The following TEX14 variants were observed in gnomAD, a reference collection of about 807,000 sequenced individuals.
TEX14 encodes the protein inactive serine/threonine-protein kinase TEX14.
TEX14 carries 168 observed loss-of-function variants against 178.6 expected under a neutral mutation model. The observed-to-expected ratio is 0.94, with a 90% CI of 0.83 to 1.07. The LOEUF (loss-of-function observed/expected upper bound fraction) is 1.07. TEX14 is among the 50% of genes least tolerant of loss of function. TEX14 has a pLI of 0.00. For missense variants in TEX14, 1,730 were observed against 1,753.6 expected, an observed-to-expected ratio of 0.99 and a Z score of 0.24; for synonymous variants, 626 against 634.1, an observed-to-expected ratio of 0.99 and a Z score of 0.19.
chr17:58,613,587 G>A (rs778427816), intron 8 of TEX14, 43 bp from the exon 9 acceptor site: 4 of 1,569,920 alleles, frequency 2.5e-6, no homozygotes, highest in Admixed American at 1.8e-5. Flanking sequence ...GTGAGAGGAG[G>A]ATATGATGAA....
chr17:58,688,187 A>G (rs2143610337), intron 1 of TEX14, among the ~76,000 whole-genome samples: 1 of 152,082 alleles, frequency 6.6e-6, no homozygotes, highest in Non-Finnish European at 1.5e-5. Context: ...GTGTCATAAT[A>G]TCGGCTCACT....
chr17:58,600,573 A>AG (rs988195221), intron 13 of TEX14, among the ~76,000 whole-genome samples: 1 of 151,786 alleles, frequency 6.6e-6, no homozygotes, highest in Non-Finnish European at 1.5e-5. Flanking sequence ...AAAAAAAAAA[A>AG]AGTAGCCTAG....
At chr17:58,560,330 A>G (rs552932121) in intron 29 of TEX14, among the ~76,000 whole-genome samples, 42 of 152,252 alleles carry the variant, frequency 2.8e-4, no homozygotes, top group Non-Finnish European at 5.0e-4. Flanking sequence ...CCCTCTTAAT[A>G]TTTTCCCACT....
At chr17:58,576,589 A>T (rs987009058) in intron 21 of TEX14, among the ~76,000 whole-genome samples, 4 of 152,228 alleles carry the variant, frequency 2.6e-5, no homozygotes, top group Non-Finnish European at 5.9e-5. Flanking sequence ...TATCACAACC[A>T]GGATATTGAC....
rs372570018 is a variant in TEX14 at position 58,611,239 on chromosome 17, C to A, written c.1106G>T (p.Arg369Leu). ...RYLHFQGFIHRSLSSYAVHII... is the reference protein window; with the variant it reads ...RYLHFQGFIHLSLSSYAVHII... The stretch of plus-strand genomic sequence containing the variant: ...ATGGACAGCATAGGAGCTGAGGGAG[C>A]GGTGGATAAACCCCTGGAAATGCAG... The change falls in exon 10 of 32, where the codon CGC becomes CTC. Residue 369 changes from arginine (R) to leucine (L), a missense_variant. Physicochemically the swap from Arg to Leu is moderately radical, Grantham distance 102. Around this residue, in one of 2 missense-constraint regions of TEX14, gnomAD observed 789 missense variants for 681.2 expected, o/e 1.16. Coordinates refer to ENST00000349033, the MANE Select transcript of TEX14 (RefSeq NM_031272.5). 6.2e-7 allele frequency: 1 copy of A among 1,613,476 alleles called. No individual in the cohort carries two copies. Among genetic ancestry groups the A allele is most frequent in the African/African-American group, 1.3e-5 (1 of 74,946 alleles).
In TEX14 at chr17:58,570,420, G is replaced by A; in HGVS notation, c.3782C>T (p.Pro1261Leu). 1 of 1,521,614 alleles carries A rather than the reference G, an allele frequency of 6.6e-7. No individual in the cohort carries two copies. Among genetic ancestry groups the A allele is most frequent in the Non-Finnish European group, 8.7e-7 (1 of 1,147,420 alleles). 94.3% of individuals were successfully genotyped at this position (1,521,614 alleles called of 1,614,324 possible). ...GCTCCTTCTCTGGGTGGCATGGGGT[G>A]GTGATGAGTCACATGCCTTAACAAG... ...PSLVKACDSS[P>L]PHATQRRSLP... is the part of the protein sequence containing the mutation. Residue 1261 changes from proline to leucine, a missense_variant, in exon 25 of 32, where the codon CCA (proline) becomes CTA (leucine). By Grantham distance (98) the Pro-to-Leu change is moderately conservative. This residue lies in a region of TEX14 where 941 missense variants were observed against 1,072.4 expected (regional missense o/e 0.88). Transcript: ENST00000349033.
At chr17:58,586,162 A>C in intron 17 of TEX14, 80 bp from the exon 18 acceptor site, 1 of 1,409,948 alleles carries the variant, frequency 7.1e-7, no homozygotes, top group Non-Finnish European at 9.6e-7. Flanking sequence ...GAAATACATA[A>C]TACTATTATA....
chr17:58,580,351 G>A (rs111475198), intron 19 of TEX14, among the ~76,000 whole-genome samples: 2,767 of 152,036 alleles, frequency 0.018, 77 homozygotes, highest in African/African-American at 0.063. Context: ...TCATTCTGTC[G>A]CCCAGGCTGG....
intron 28 of TEX14, chr17:58,564,361 T>A (rs1185291879): frequency 1.3e-5 from 2 of 152,298 alleles, no homozygotes; most frequent in Non-Finnish European, 2.9e-5. Context: ...TGACACGTGC[T>A]ACAACACAGA....
At chr17:58,581,226 G>A (rs984045823) in intron 19 of TEX14, among the ~76,000 whole-genome samples, 55 of 151,622 alleles carry the variant, frequency 3.6e-4, no homozygotes, top group African/African-American at 9.7e-4. Flanking sequence ...CAGGAGAATC[G>A]CTTGAACCCG....
In TEX14 at chr17:58,584,492, T is replaced by C. The variant is rs374316697; in HGVS notation, c.3171+8A>G. 6.2e-7 allele frequency: 1 copy of C among 1,605,344 alleles called. No individual in the cohort carries two copies. The highest frequency in any genetic ancestry group is 8.5e-7 in the Non-Finnish European group (1 of 1,171,968). ...GTTCAACTTGGCTTTCCAGGCAGTATTACTTACACTGTAAGATTTCTCTAC... is the reference window on the plus strand; with the variant it reads ...GTTCAACTTGGCTTTCCAGGCAGTACTACTTACACTGTAAGATTTCTCTAC... On this transcript the variant is annotated splice_region_variant and intron_variant, in intron 19 of 31. Coordinates refer to ENST00000349033, the MANE Select transcript of TEX14 (RefSeq NM_031272.5).
Position 58,584,530 on chromosome 17 carries a change from G to A in TEX14, c.3141C>T (p.Asp1047=), listed in dbSNP as rs752222078. The A allele has an allele frequency of 3.7e-6, 6 of 1,614,094 alleles. No homozygotes were observed. Among genetic ancestry groups the A allele is most frequent in the Non-Finnish European group, 5.1e-6 (6 of 1,179,988 alleles). The part of the protein sequence containing the change: ...EHSEAFQASS[D]TLVAVEKSYS... ...AAGATTTCTCTACAGCCACCAATGT[G>A]TCAGAACTTGCTTGGAAGGCTTCAC... Residue 1047 remains aspartate (D), a synonymous_variant, in exon 19 of 32, where the codon GAC becomes GAT. Transcript: ENST00000349033.
intron 11 of TEX14, among the ~76,000 whole-genome samples, chr17:58,603,756 A>G (rs1370056501): frequency 1.3e-5 from 2 of 151,226 alleles, no homozygotes; most frequent in Non-Finnish European, 2.9e-5. Flanking sequence ...TGGGAGGCTG[A>G]GGCAGGAGAA....
chr17:58,631,392 G>A (rs2046284102), intron 2 of TEX14, among the ~76,000 whole-genome samples: 1 of 152,090 alleles, frequency 6.6e-6, no homozygotes, highest in Non-Finnish European at 1.5e-5. Flanking sequence ...GGCAGAGGCT[G>A]CAATGAGCCG....
intron 10 of TEX14, among the ~76,000 whole-genome samples, chr17:58,606,081 T>G (rs1598380187): frequency 6.6e-6 from 1 of 152,202 alleles, no homozygotes; most frequent in African/African-American, 2.4e-5. Flanking sequence ...CCTGCCCTTT[T>G]GGGAATGTGT....
intron 1 of TEX14, among the ~76,000 whole-genome samples, chr17:58,691,148 G>A (rs948747380): frequency 1.3e-5 from 2 of 152,006 alleles, no homozygotes; most frequent in Admixed American, 6.6e-5. Flanking sequence ...GAGCCACTGC[G>A]CCCGGCCAGC....
chr17:58,637,300 C>T, intron 2 of TEX14, among the ~76,000 whole-genome samples: 1 of 152,194 alleles, frequency 6.6e-6, no homozygotes, highest in East Asian at 1.9e-4. Flanking sequence ...CGTAGAGCTT[C>T]TAAAACTCTT....
At position 58,658,701 on chromosome 17, in the gene TEX14, G is replaced by T. The variant is rs538697142; in HGVS notation, c.-1-6699C>A. On this transcript the variant is annotated intron_variant, in intron 1 of 31. Coordinates refer to ENST00000349033, the MANE Select transcript of TEX14 (RefSeq NM_031272.5). ...CCACCCTCAGCAATTCATCCCACCA[G>T]AACAAAAGGCTAACATAGCAAACTG... is the stretch of plus-strand genomic sequence containing the variant. Among the ~76,000 whole-genome samples, 3 of 152,012 alleles carry T rather than the reference G, an allele frequency of 2.0e-5. No homozygotes were observed. In the South Asian group the frequency reaches 6.2e-4, roughly 32 times the overall value.
rs1555577606 is a variant in TEX14, at chr17:58,640,644, T to TGTGTGTGTGTGA, written c.137-10091_137-10090insTCACACACACAC. ...GTGTGTGTGTGTGTGTGTGTGTGTG[T>TGTGTGTGTGTGA]GAGAGAGAGAGAGAGAATGATAAAT... On this transcript the variant is annotated intron_variant, in intron 2 of 31. Coordinates refer to ENST00000349033, the MANE Select transcript of TEX14 (RefSeq NM_031272.5). 3.7e-4 allele frequency among the ~76,000 whole-genome samples: 54 copies of TGTGTGTGTGTGA among 147,134 alleles called. 1 individual carries two copies. The highest frequency in any genetic ancestry group is 1.0e-3 in the East Asian group (5 of 5,008).
Sources: gnomAD v4.1 joint callset for allele counts (sites outside exome capture counted in the v4.1 genomes callset) on GRCh38, gnomAD v4.1.1 for gene constraint, gnomAD v4.1.1 regional missense constraint, MANE v1.5 for transcripts, NCBI Gene and HGNC (gene_info 2026-07-23, HGNC 2026-07-21) for gene names.